ELAVL2: variants seen among roughly 807,000 people sequenced by gnomAD.
ELAVL2 encodes the protein ELAV-like protein 2.
A neutral mutation model predicts 34.6 loss-of-function variants in ELAVL2; 4 were observed. That is an observed-to-expected ratio of 0.12 (90% CI 0.06 to 0.26). ELAVL2 has a LOEUF of 0.26. ELAVL2 is among the 10% of genes least tolerant of loss of function. ELAVL2 has a pLI of 1.00. For missense variants in ELAVL2, 432 were observed against 442.8 expected (o/e 0.98, Z 0.22); for synonymous variants, 193 against 154.8 (o/e 1.25, Z -1.83).
chr9:23,800,879 T>A (rs967834789), intron 1 of ELAVL2, among the ~76,000 whole-genome samples: 2 of 152,114 alleles, frequency 1.3e-5, no homozygotes, highest in African/African-American at 4.8e-5. Flanking sequence ...AGGATCCTAT[T>A]CACATTAAAC....
At chr9:23,699,457 CATTTT>C (rs1454658587) in intron 5 of ELAVL2, among the ~76,000 whole-genome samples, 1 of 152,084 alleles carries the variant, frequency 6.6e-6, no homozygotes, top group Non-Finnish European at 1.5e-5. Context: ...TAACAGCAAA[CATTTT>C]ATAACTTCAC....
rs143638703 is a variant in ELAVL2 at position 23,814,271 on chromosome 9, A to G, written c.-16+11535T>C. On this transcript the variant is annotated intron_variant, in intron 1 of 6. Transcript: ENST00000397312. ...CAGAAGATATTCTTCAGTAAGTAAA[A>G]TGTAACAAAGTGCATAAGAGCCAAT... Among the ~76,000 whole-genome samples the G allele has an allele frequency of 3.9e-5, 6 of 152,294 alleles. No homozygotes were observed. The East Asian group carries it at 1.2e-3, about 29-fold the overall frequency.
intron 3 of ELAVL2, among the ~76,000 whole-genome samples, chr9:23,709,087 T>G (rs2040213849): frequency 6.6e-6 from 1 of 152,194 alleles, no homozygotes; most frequent in African/African-American, 2.4e-5. Context: ...CCATTTTCGT[T>G]CACTTTCAGG....
the ELAVL2 span, among the ~76,000 whole-genome samples, chr9:23,839,044 G>C: frequency 1.3e-5 from 2 of 152,014 alleles, no homozygotes; most frequent in African/African-American, 2.4e-5. Flanking sequence ...ATTTTGTTTT[G>C]CTATTTAGAA....
At chr9:23,807,971 A>G (rs1354109238) in intron 1 of ELAVL2, among the ~76,000 whole-genome samples, 1 of 152,186 alleles carries the variant, frequency 6.6e-6, no homozygotes, top group East Asian at 1.9e-4. Flanking sequence ...CCTGCAAAGA[A>G]CATTAAAATC....
intron 5 of ELAVL2, among the ~76,000 whole-genome samples, chr9:23,695,077 G>T (rs899317614): frequency 1.3e-5 from 2 of 152,264 alleles, no homozygotes; most frequent in East Asian, 3.9e-4. Context: ...AAAAGATGTG[G>T]GGTTTTATTT....
At chr9:23,738,178 CT>C (rs2048333783) in intron 2 of ELAVL2, among the ~76,000 whole-genome samples, 1 of 152,232 alleles carries the variant, frequency 6.6e-6, no homozygotes, top group African/African-American at 2.4e-5. Flanking sequence ...CACAAAGGAG[CT>C]TTCTTAATAT....
chr9:23,765,197 A>G, intron 1 of ELAVL2: 1 of 1,111,502 alleles, frequency 9.0e-7, no homozygotes, highest in Non-Finnish European at 1.3e-6. Flanking sequence ...TGATATTCCC[A>G]GCACGTCCAT....
At chr9:23,841,750 G>A in the ELAVL2 span, among the ~76,000 whole-genome samples, 2 of 152,044 alleles carry the variant, frequency 1.3e-5, no homozygotes, top group Admixed American at 6.6e-5. Context: ...GTGTTTGCTT[G>A]TTTTACTTTG....
intron 1 of ELAVL2, among the ~76,000 whole-genome samples, chr9:23,806,297 A>G (rs2062212037): frequency 1.3e-5 from 2 of 152,170 alleles, no homozygotes; most frequent in Non-Finnish European, 2.9e-5. Flanking sequence ...TTCAGCATAT[A>G]TAATTTTAAT....
At chr9:23,815,823 C>T (rs1338391054) in intron 1 of ELAVL2, among the ~76,000 whole-genome samples, 3 of 152,074 alleles carry the variant, frequency 2.0e-5, no homozygotes, top group African/African-American at 7.2e-5. Flanking sequence ...CGCACGGGCA[C>T]GGTGATCACA....
At chr9:23,732,332 T>C (rs2046782191) in intron 2 of ELAVL2, among the ~76,000 whole-genome samples, 1 of 152,218 alleles carries the variant, frequency 6.6e-6, no homozygotes, top group Admixed American at 6.5e-5. Flanking sequence ...CAGTGCCCAA[T>C]ATGAAAACTA....
intron 3 of ELAVL2, among the ~76,000 whole-genome samples, chr9:23,711,882 T>G (rs2041061414): frequency 6.6e-6 from 1 of 152,198 alleles, no homozygotes; most frequent in Non-Finnish European, 1.5e-5. Flanking sequence ...AGTTTATTTC[T>G]GAAATACTGT....
chr9:23,759,882 T>C (rs1205169832), intron 2 of ELAVL2, among the ~76,000 whole-genome samples: 4 of 150,360 alleles, frequency 2.7e-5, no homozygotes, highest in African/African-American at 9.8e-5. Context: ...TTACCAAATA[T>C]TTTTAATAGA....
At chr9:23,753,803 C>G (rs990465024) in intron 2 of ELAVL2, among the ~76,000 whole-genome samples, 3 of 152,128 alleles carry the variant, frequency 2.0e-5, no homozygotes, top group Non-Finnish European at 2.9e-5. Context: ...GAATAGCAAA[C>G]AGCACACGTG....
At chr9:23,742,876 A>C (rs771741297) in intron 2 of ELAVL2, among the ~76,000 whole-genome samples, 2 of 152,146 alleles carry the variant, frequency 1.3e-5, no homozygotes, top group African/African-American at 2.4e-5. Flanking sequence ...TCTAAACTTA[A>C]AATAGTCACA....
At position 23,731,002 on chromosome 9, in the gene ELAVL2, T is replaced by C. The variant is rs1564135430; in HGVS notation, c.333+20A>G. ...TAAACTTCTGTTCCGCAAGTAGATA[T>C]AAAAAAACTTTAAACATACTTTTAT... On this transcript the variant is annotated intron_variant, in intron 3 of 6. Coordinates refer to ENST00000397312, the MANE Select transcript of ELAVL2 (RefSeq NM_004432.5). The C allele has an allele frequency of 6.9e-6, 11 of 1,595,846 alleles. No homozygotes were observed. Among genetic ancestry groups the C allele is most frequent in the South Asian group, 1.1e-5 (1 of 87,256 alleles).
chr9:23,698,670 A>C (rs1205501370), intron 5 of ELAVL2, among the ~76,000 whole-genome samples: 1 of 149,234 alleles, frequency 6.7e-6, no homozygotes, highest in Admixed American at 6.8e-5. Flanking sequence ...GATGATTTAG[A>C]CTCGAACTAC....
chr9:23,806,845 A>G (rs549763105), intron 1 of ELAVL2, among the ~76,000 whole-genome samples: 1 of 152,256 alleles, frequency 6.6e-6, no homozygotes, highest in South Asian at 2.1e-4. Context: ...CTTAACTCTC[A>G]TACCTGCTGT....
Sources: allele counts gnomAD v4.1 joint callset (sites outside exome capture counted in the v4.1 genomes callset), GRCh38; gene constraint gnomAD v4.1.1; transcripts MANE v1.5; gene names NCBI Gene and HGNC (gene_info 2026-07-23, HGNC 2026-07-21).